The following RBFOX1 variants were observed in gnomAD, a reference collection of about 807,000 sequenced individuals.
RBFOX1 encodes RNA binding protein fox-1 homolog 1.
A neutral mutation model predicts 57.7 loss-of-function variants in RBFOX1; 8 were observed. That is an observed-to-expected ratio of 0.14 (90% CI 0.08 to 0.25). The LOEUF is 0.25. Ranked by LOEUF, RBFOX1 falls within the 10% of genes least tolerant of loss-of-function variation. The probability of loss-of-function intolerance (pLI) is 1.00; values close to 1 mark genes in which losing one functional copy is unlikely to be tolerated. For synonymous variants in RBFOX1, 326 were observed against 222.4 expected, an observed-to-expected ratio of 1.47 and a Z score of -4.15; for missense variants, 611 against 548.5, an observed-to-expected ratio of 1.11 and a Z score of -1.14.
At chr16:7,685,180 G>A (rs2075791006) in intron 14 of RBFOX1, among the ~76,000 whole-genome samples, 2 of 152,180 alleles carry the variant, frequency 1.3e-5, no homozygotes, top group South Asian at 4.1e-4. Flanking sequence ...TAGAGAACAA[G>A]CTTCTGTTCT....
rs1437578126 is a variant in RBFOX1, at chr16:7,329,744, C to G, written c.28-188403C>G. ...GGGAGGGACAGCCCTTATTTTCACACAAGATAAGGAAGATATTTGTAACTC... is the reference window on the plus strand; with the variant it reads ...GGGAGGGACAGCCCTTATTTTCACAGAAGATAAGGAAGATATTTGTAACTC... On this transcript the variant is annotated intron_variant, in intron 4 of 15. Transcript: ENST00000550418. Among the ~76,000 whole-genome samples, 12 of 152,222 alleles carry G rather than the reference C, an allele frequency of 7.9e-5. No homozygotes were observed. The South Asian group carries it at 1.7e-3, about 21-fold the overall frequency.
chr16:6,959,442 A>G (rs1015191757), intron 3 of RBFOX1, among the ~76,000 whole-genome samples: 2 of 152,212 alleles, frequency 1.3e-5, no homozygotes, highest in Non-Finnish European at 2.9e-5. Flanking sequence ...GGATGAAGGC[A>G]GAAGTTGGAA....
chr16:6,975,152 T>C (rs1177023423), intron 3 of RBFOX1, among the ~76,000 whole-genome samples: 1 of 152,166 alleles, frequency 6.6e-6, no homozygotes, highest in Non-Finnish European at 1.5e-5. Context: ...GATCCTGGAC[T>C]AGCTCTGTGG....
At chr16:7,218,640 G>C (rs867516866) in intron 4 of RBFOX1, among the ~76,000 whole-genome samples, 7,338 of 142,586 alleles carry the variant, frequency 0.051, 248 homozygotes, top group East Asian at 0.07. Context: ...GTGTGTGTGT[G>C]TGTGTGTGTG....
At chr16:6,532,093 G>T (rs990158370) in intron 2 of RBFOX1, among the ~76,000 whole-genome samples, 2 of 152,102 alleles carry the variant, frequency 1.3e-5, no homozygotes, top group Non-Finnish European at 2.9e-5. Context: ...GATCCCAGAA[G>T]AGCACATCCC....
intron 1 of RBFOX1, among the ~76,000 whole-genome samples, chr16:5,402,696 C>A (rs1421631559): frequency 6.6e-6 from 1 of 152,078 alleles, no homozygotes; most frequent in Non-Finnish European, 1.5e-5. Flanking sequence ...AAGTTTTGAG[C>A]CTTCCTTAAA....
At chr16:7,379,615 G>T (rs1270019196) in intron 4 of RBFOX1, among the ~76,000 whole-genome samples, 1 of 152,182 alleles carries the variant, frequency 6.6e-6, no homozygotes, top group African/African-American at 2.4e-5. Flanking sequence ...GATATTGTCT[G>T]TTGTAGAGGT....
intron 5 of RBFOX1, among the ~76,000 whole-genome samples, chr16:7,543,787 C>T (rs148847024): frequency 6.6e-6 from 1 of 151,774 alleles, no homozygotes; most frequent in Non-Finnish European, 1.5e-5. Context: ...GTGGCACGAT[C>T]TTGGCTCACT....
At chr16:6,835,013 C>T (rs376454080) in intron 3 of RBFOX1, among the ~76,000 whole-genome samples, 3 of 151,780 alleles carry the variant, frequency 2.0e-5, no homozygotes, top group East Asian at 1.9e-4. Flanking sequence ...CTGCCTCAGC[C>T]TCCTGAGTAG....
intron 1 of RBFOX1, among the ~76,000 whole-genome samples, chr16:5,309,078 C>G (rs1294499270): frequency 1.3e-5 from 2 of 152,178 alleles, no homozygotes; most frequent in Non-Finnish European, 2.9e-5. Flanking sequence ...TAAACACACT[C>G]CACGAATTTG....
At chr16:5,396,829 T>G (rs1021806363) in intron 1 of RBFOX1, among the ~76,000 whole-genome samples, 1 of 152,228 alleles carries the variant, frequency 6.6e-6, no homozygotes, top group Non-Finnish European at 1.5e-5. Context: ...GAGAGTAGAT[T>G]GATTTCTTGA....
At chr16:7,184,868 A>G (rs1459702419) in intron 4 of RBFOX1, among the ~76,000 whole-genome samples, 1 of 152,182 alleles carries the variant, frequency 6.6e-6, no homozygotes, top group East Asian at 1.9e-4. Context: ...TGTTACTAAC[A>G]CTATTAATAA....
At chr16:6,538,963 T>C (rs1362337) in intron 2 of RBFOX1, among the ~76,000 whole-genome samples, 12 of 152,126 alleles carry the variant, frequency 7.9e-5, no homozygotes, top group East Asian at 3.9e-4. Flanking sequence ...TTGGCTGGTT[T>C]GTTGGTGTTT....
intron 2 of RBFOX1, among the ~76,000 whole-genome samples, chr16:5,588,927 G>C (rs926428854): frequency 6.6e-6 from 1 of 152,158 alleles, no homozygotes; most frequent in African/African-American, 2.4e-5. Flanking sequence ...GAGAATACAG[G>C]GCTGGCTTTT....
chr16:6,764,245 G>T (rs1046264827), intron 3 of RBFOX1, among the ~76,000 whole-genome samples: 9 of 152,170 alleles, frequency 5.9e-5, no homozygotes, highest in Admixed American at 3.9e-4. Context: ...ATGCAAATTG[G>T]CTGGACTTGA....
chr16:6,260,537 T>C (rs1013302586), intron 1 of RBFOX1, among the ~76,000 whole-genome samples: 7 of 152,148 alleles, frequency 4.6e-5, no homozygotes, highest in Middle Eastern at 3.4e-3. Flanking sequence ...CATTGAGAAA[T>C]GGCTTTTAAT....
At chr16:6,987,089 A>T (rs1288277304) in intron 3 of RBFOX1, among the ~76,000 whole-genome samples, 6 of 152,132 alleles carry the variant, frequency 3.9e-5, no homozygotes, top group Admixed American at 3.9e-4. Context: ...GCGATCTATT[A>T]GCAGCTTCCA....
intron 3 of RBFOX1, among the ~76,000 whole-genome samples, chr16:5,660,997 G>C (rs75529569): frequency 0.042 from 6,468 of 152,230 alleles, 469 homozygotes; most frequent in African/African-American, 0.15. Flanking sequence ...CATGTTAAAT[G>C]AGTCCTAAGC....
intron 2 of RBFOX1, among the ~76,000 whole-genome samples, chr16:6,562,614 T>C (rs1285908295): frequency 2.0e-5 from 3 of 152,214 alleles, no homozygotes; most frequent in East Asian, 3.9e-4. Flanking sequence ...TTTCTAAACA[T>C]CTTGCATGTA....
Sources: gnomAD v4.1 joint callset for allele counts (sites outside exome capture counted in the v4.1 genomes callset) on GRCh38, gnomAD v4.1.1 for gene constraint, MANE v1.5 for transcripts, NCBI Gene and HGNC (gene_info 2026-07-23, HGNC 2026-07-21) for gene names.